Variants in PCSK5 observed in about 807,000 individuals in gnomAD.
The protein encoded by PCSK5 is proprotein convertase subtilisin/kexin type 5, also known as prohormone convertase 5.
Under a neutral mutation model 233.2 loss-of-function variants are expected in PCSK5, and 129 were observed. The observed-to-expected ratio is 0.55, with a 90% confidence interval of 0.48 to 0.64. The LOEUF (loss-of-function observed/expected upper bound fraction) is 0.64. Ranked by LOEUF, PCSK5 falls within the 30% of genes least tolerant of loss-of-function variation. The probability of loss-of-function intolerance (pLI) is 0.00; values close to 1 mark genes in which losing one functional copy is unlikely to be tolerated. For missense variants in PCSK5, 2,076 were observed against 2,430.1 expected (o/e 0.85, Z 3.06); for synonymous variants, 825 against 879.2 (o/e 0.94, Z 1.09).
At chr9:76,143,673 T>C (rs959469620) in intron 10 of PCSK5, among the ~76,000 whole-genome samples, 2 of 152,078 alleles carry the variant, frequency 1.3e-5, no homozygotes, top group African/African-American at 4.8e-5. Flanking sequence ...TTGGCCTTCT[T>C]CTAAATGAGG....
At chr9:76,064,094 G>A (rs1830150391) in intron 5 of PCSK5, among the ~76,000 whole-genome samples, 2 of 117,984 alleles carry the variant, frequency 1.7e-5, no homozygotes, top group African/African-American at 3.9e-5. Flanking sequence ...GGGCAGAGGC[G>A]CCCCTCACCT....
intron 35 of PCSK5, among the ~76,000 whole-genome samples, chr9:76,346,870 G>T (rs931487030): frequency 1.3e-5 from 2 of 151,994 alleles, no homozygotes; most frequent in Non-Finnish European, 1.5e-5. Context: ...ATTATATTTC[G>T]TTCACTTTGG....
chr9:76,169,970 T>G, intron 13 of PCSK5, 130 bp downstream of exon 13: 2 of 703,364 alleles, frequency 2.8e-6, no homozygotes, highest in Admixed American at 5.0e-5. Context: ...GTGCTTTGAA[T>G]TACCTGCATG....
intron 20 of PCSK5, chr9:76,193,211 T>C (rs772070471): frequency 8.1e-6 from 13 of 1,609,414 alleles, no homozygotes; most frequent in African/African-American, 4.0e-5. Context: ...TCAACTCCCC[T>C]TCTCTCTTGC....
chr9:76,292,673 T>C (rs893566149), intron 25 of PCSK5, among the ~76,000 whole-genome samples: 1 of 152,190 alleles, frequency 6.6e-6, no homozygotes, highest in African/African-American at 2.4e-5. Context: ...CTATATCAGC[T>C]CTTAGTCATC....
At chr9:76,173,224 A>C (rs1393065058) in intron 13 of PCSK5, among the ~76,000 whole-genome samples, 2 of 152,150 alleles carry the variant, frequency 1.3e-5, no homozygotes, top group Non-Finnish European at 2.9e-5. Context: ...TATAGAAAGC[A>C]CTTAAAAACA....
In PCSK5 at chr9:76,292,239, C is replaced by A; in HGVS notation, c.3149C>A (p.Pro1050Gln). 1 of 1,567,262 alleles carries A rather than the reference C, an allele frequency of 6.4e-7. No homozygotes were observed. The change falls in exon 25 of 38, where the codon CCA becomes CAA. Residue 1050 changes from proline (P) to glutamine (Q), a missense_variant. Pro to Gln is a moderately conservative substitution (Grantham distance 76). Around this residue, in one of 6 missense-constraint regions of PCSK5, gnomAD observed 1,510 missense variants for 1,538.1 expected, o/e 0.98. Transcript: ENST00000674117. ...EGCLGCSLDD[P>Q]GTCTSCAMGY... is the part of the protein sequence containing the mutation. ...TATTATTTTTTTTTTCCAGATGATCCAGGAACATGTACATCTTGCGCTATG... is the reference window on the plus strand; with the variant it reads ...TATTATTTTTTTTTTCCAGATGATCAAGGAACATGTACATCTTGCGCTATG...
At chr9:76,200,430 C>T (rs956124734) in intron 20 of PCSK5, among the ~76,000 whole-genome samples, 2 of 152,158 alleles carry the variant, frequency 1.3e-5, no homozygotes, top group Admixed American at 1.3e-4. Flanking sequence ...CTGCCCACCT[C>T]GTTTTGACTT....
chr9:75,990,104 G>T (rs980264101), intron 3 of PCSK5, among the ~76,000 whole-genome samples: 1 of 152,172 alleles, frequency 6.6e-6, no homozygotes, highest in African/African-American at 2.4e-5. Flanking sequence ...CCCATGCCCA[G>T]TGGGCATTCT....
chr9:76,072,843 C>T (rs1174284931), intron 7 of PCSK5, among the ~76,000 whole-genome samples: 1 of 152,180 alleles, frequency 6.6e-6, no homozygotes, highest in Non-Finnish European at 1.5e-5. Flanking sequence ...AGGTTCACGT[C>T]TTCCCAGAAG....
intron 20 of PCSK5, among the ~76,000 whole-genome samples, chr9:76,207,795 A>G (rs1476932319): frequency 1.3e-5 from 2 of 152,176 alleles, no homozygotes; most frequent in Non-Finnish European, 2.9e-5. Context: ...GAGCACCTGG[A>G]AAGTGCCAGG....
At chr9:76,325,159 G>A (rs1829324419) in intron 32 of PCSK5, among the ~76,000 whole-genome samples, 2 of 152,134 alleles carry the variant, frequency 1.3e-5, no homozygotes, top group African/African-American at 4.8e-5. Context: ...GGGTGTTCGT[G>A]TGGGAGGCAG....
At chr9:76,289,009 T>C (rs74541067) in intron 24 of PCSK5, among the ~76,000 whole-genome samples, 2,518 of 152,138 alleles carry the variant, frequency 0.017, 89 homozygotes, top group African/African-American at 0.057. Context: ...GGAGGCAATG[T>C]CTCCATGGGA....
intron 20 of PCSK5, among the ~76,000 whole-genome samples, chr9:76,196,353 T>C (rs1371209130): frequency 1.3e-5 from 2 of 152,236 alleles, no homozygotes; most frequent in Non-Finnish European, 2.9e-5. Context: ...TGCTGACATC[T>C]TGCGTAAAGT....
At position 76,218,519 on chromosome 9, in the gene PCSK5, G is replaced by A. The variant is rs559271513; in HGVS notation, c.2627-8984G>A. Among the ~76,000 whole-genome samples the A allele has an allele frequency of 2.0e-5, 3 of 151,168 alleles. No individual in the cohort carries two copies. The East Asian group carries it at 5.8e-4, about 29-fold the overall frequency. On this transcript the variant is annotated intron_variant, in intron 20 of 37. Transcript: ENST00000674117. ...TGCTTAAATTCCTTGATCAAATGGA[G>A]CTGAGACCCCTAACTACCCTACATT... is the stretch of plus-strand genomic sequence containing the variant.
At chr9:76,340,056 T>A (rs1201421967) in intron 35 of PCSK5, among the ~76,000 whole-genome samples, 1 of 152,070 alleles carries the variant, frequency 6.6e-6, no homozygotes, top group Non-Finnish European at 1.5e-5. Context: ...TCATCTCATC[T>A]CCTCCATGAA....
chr9:75,928,596 C>CATATATATAT lies in PCSK5; in HGVS notation c.193-3749_193-3740dup, dbSNP rs61537466. Among the ~76,000 whole-genome samples, 139 of 68,364 alleles carry CATATATATAT rather than the reference C, an allele frequency of 2.0e-3. 4 individuals are homozygous for CATATATATAT. The highest frequency in any genetic ancestry group is 2.7e-3 in the Non-Finnish European group (94 of 34,554). 44.8% of individuals were successfully genotyped at this position (68,364 alleles called of 152,430 possible). ...ATAAACATGCTTTTACATATAAATA[C>CATATATATAT]ATATATATATATATATATATATATA... On this transcript the variant is annotated intron_variant, in intron 1 of 37. Transcript: ENST00000674117.
chr9:76,351,423 C>CA (rs200741774), intron 36 of PCSK5, among the ~76,000 whole-genome samples: 4 of 66,034 alleles, frequency 6.1e-5, no homozygotes, highest in Admixed American at 4.4e-4. Flanking sequence ...CCAGAAACCG[C>CA]CCCCCCCTGC....
chr9:76,097,805 A>T lies in PCSK5; in HGVS notation c.1107+1703A>T, dbSNP rs375232748. ...TTAGGAAAGCTCTAACTTTTCGGGG[A>T]TGCCCAACACTGTGCTGCTGATTAT... On this transcript the variant is annotated intron_variant, in intron 8 of 37. Coordinates refer to ENST00000674117, the MANE Select transcript of PCSK5 (RefSeq NM_001372043.1). 7.4e-4 allele frequency among the ~76,000 whole-genome samples: 113 copies of T among 152,340 alleles called. 3 individuals carry two copies. The South Asian group carries it at 0.022, about 30-fold the overall frequency.
Sources: gnomAD v4.1 joint callset for allele counts (sites outside exome capture counted in the v4.1 genomes callset) on GRCh38, gnomAD v4.1.1 for gene constraint, gnomAD v4.1.1 regional missense constraint, MANE v1.5 for transcripts, NCBI Gene and HGNC (gene_info 2026-07-23, HGNC 2026-07-21) for gene names.